Variants in ADPRM observed in about 807,000 individuals in gnomAD.
ADPRM encodes manganese-dependent ADP-ribose/CDP-alcohol diphosphatase.
Under a neutral mutation model 27.2 loss-of-function variants are expected in ADPRM, and 17 were observed. The ratio of observed to expected loss-of-function variants is 0.63; its 90% confidence interval spans 0.43 to 0.94. The LOEUF is 0.94. Among genes scored for constraint, ADPRM ranks in the 40% least tolerant of loss-of-function variants. The pLI is 0.00. For synonymous variants in ADPRM, 135 were observed against 145.3 expected (o/e 0.93, Z 0.51); for missense variants, 337 against 412.8 (o/e 0.82, Z 1.59).
intron 1 of ADPRM, 99 bp from the exon 2 acceptor site, chr17:10,704,811 T>C (rs1004762947): frequency 4.7e-6 from 5 of 1,062,342 alleles, no homozygotes; most frequent in Admixed American, 2.5e-5. Context: ...CCAAGCTGCC[T>C]AATGAATTAA....
intron 1 of ADPRM, chr17:10,699,106 T>C (rs2074757570): frequency 6.6e-6 from 1 of 152,132 alleles, no homozygotes; most frequent in African/African-American, 2.4e-5. Flanking sequence ...ATGCTATCAT[T>C]GAAAACAGTT....
chr17:10,698,218 C>G (rs1346231759), intron 1 of ADPRM: 1 of 152,194 alleles, frequency 6.6e-6, no homozygotes, highest in Non-Finnish European at 1.5e-5. Flanking sequence ...CATCCGTTAA[C>G]TTAGTCTTCC....
rs893005041 is a variant in ADPRM at position 10,702,610 on chromosome 17, C to T, written c.-17-2300C>T. On this transcript the variant is annotated intron_variant, in intron 1 of 3. Transcript: ENST00000379774. This position sits in a 1 kb window ranked among gnomAD's most constrained non-coding sequence, Gnocchi z 4.2. ...AAAAATTGAAGCCTTAGTTTATCAG[C>T]GTTTGTAGTAGTGGCAGTGCCTGTC... Among the ~76,000 whole-genome samples, 1 of 152,136 alleles carries T rather than the reference C, an allele frequency of 6.6e-6. No individual in the cohort carries two copies. The highest frequency in any genetic ancestry group is 1.5e-5 in the Non-Finnish European group (1 of 68,038).
At chr17:10,704,146 C>T (rs796826920) in intron 1 of ADPRM, among the ~76,000 whole-genome samples, 38 of 152,102 alleles carry the variant, frequency 2.5e-4, no homozygotes, top group African/African-American at 8.7e-4. Flanking sequence ...GAGTCCACGA[C>T]CAGCCTGGGC....
At position 10,711,364 on chromosome 17, in the gene ADPRM, T is replaced by C. The variant is rs1004893329; in HGVS notation, c.*220T>C. On this transcript the variant is annotated 3_prime_UTR_variant, in exon 4 of 4. Coordinates refer to ENST00000379774, the MANE Select transcript of ADPRM (RefSeq NM_020233.5). ...ACCAGGGAGGAAACTGAGGCAGGGG[T>C]GTATAGTCCTCATAAGGGGCATATA... 1.9e-6 allele frequency: 1 copy of C among 518,242 alleles called. No homozygotes were observed. The highest frequency in any genetic ancestry group is 3.3e-5 in the Admixed American group (1 of 30,696). The allele number at this position is 518,242 out of a possible 1,614,324, so 32.1% of individuals were successfully genotyped here.
rs1434364158 is a variant in ADPRM, at chr17:10,702,837, C to T, written c.-17-2073C>T. On this transcript the variant is annotated intron_variant, in intron 1 of 3. Coordinates refer to ENST00000379774, the MANE Select transcript of ADPRM (RefSeq NM_020233.5). This position sits in a 1 kb window ranked among gnomAD's most constrained non-coding sequence, Gnocchi z 4.2. ...TGCCTAGAGAAAAATTGGGTGCTGT[C>T]ACCTTAAGAACAGGAAATGAATGCT... Among the ~76,000 whole-genome samples the T allele has an allele frequency of 6.6e-6, 1 of 152,152 alleles. No homozygotes were observed. The highest frequency in any genetic ancestry group is 2.4e-5 in the African/African-American group (1 of 41,420).
intron 1 of ADPRM, 42 bp from the exon 2 acceptor site, chr17:10,704,868 A>T: frequency 7.1e-7 from 1 of 1,410,636 alleles, no homozygotes; most frequent in Non-Finnish European, 9.6e-7. Context: ...TTGGGAAATT[A>T]AAACGTTTAT....
At chr17:10,704,307 A>C (rs1436233950) in intron 1 of ADPRM, among the ~76,000 whole-genome samples, 1 of 152,164 alleles carries the variant, frequency 6.6e-6, no homozygotes, top group African/African-American at 2.4e-5. Context: ...TGTTGTTTAA[A>C]ATTATTCCTC....
Position 10,710,962 on chromosome 17 carries a change from G to A in ADPRM, c.847G>A (p.Gly283Ser). 1.2e-6 allele frequency: 2 copies of A among 1,614,152 alleles called. No individual in the cohort carries two copies. The highest frequency in any genetic ancestry group is 1.7e-6 in the Non-Finnish European group (2 of 1,180,036). The part of the protein sequence containing the change: ...CFFAGHTHDG[G>S]YSEDPFGVYH... ...CTTTGCTGGTCACACCCATGATGGT[G>A]GCTACTCTGAGGATCCTTTTGGTGT... Residue 283 changes from glycine (G) to serine (S), a missense_variant, in exon 4 of 4, where the codon GGC becomes AGC. Physicochemically the swap from Gly to Ser is moderately conservative, Grantham distance 56. Coordinates refer to ENST00000379774, the MANE Select transcript of ADPRM (RefSeq NM_020233.5).
chr17:10,703,706 G>A (rs1343305310), intron 1 of ADPRM, among the ~76,000 whole-genome samples: 1 of 152,168 alleles, frequency 6.6e-6, no homozygotes, highest in African/African-American at 2.4e-5. Context: ...GAGATGGGGA[G>A]TCTGAAAGTA....
chr17:10,711,324 G>T lies in ADPRM; in HGVS notation c.*180G>T, dbSNP rs947024437. ...TGTTATTTTGGATCATGTATCCATT[G>T]TAAGTTAGAAACAAACCAGGGAGGA... is the stretch of plus-strand genomic sequence containing the variant. On this transcript the variant is annotated 3_prime_UTR_variant, in exon 4 of 4. Coordinates refer to ENST00000379774, the MANE Select transcript of ADPRM (RefSeq NM_020233.5). The T allele has an allele frequency of 3.2e-6, 2 of 622,194 alleles. No individual in the cohort carries two copies. The highest frequency in any genetic ancestry group is 2.7e-6 in the Non-Finnish European group (1 of 368,126). The allele number at this position is 622,194 out of a possible 1,614,324, so 38.5% of individuals were successfully genotyped here.
At chr17:10,701,074 T>C (rs188435800) in intron 1 of ADPRM, among the ~76,000 whole-genome samples, 2 of 152,318 alleles carry the variant, frequency 1.3e-5, no homozygotes, top group Non-Finnish European at 2.9e-5. Context: ...GAGGGTTATT[T>C]TGCTTCAGGA....
At position 10,702,278 on chromosome 17, in the gene ADPRM, G is replaced by T. The variant is rs553120066; in HGVS notation, c.-17-2632G>T. On this transcript the variant is annotated intron_variant, in intron 1 of 3. Transcript: ENST00000379774. The surrounding 1 kb of genome is among the most constrained non-coding windows in gnomAD (Gnocchi z 4.2). Reference sequence around the variant, plus strand: ...TGTTTTGAAGTGTGTGCCCCTTGGTGCTTCTCTCCACATTAACTTTCCTTA... The same window carrying T: ...TGTTTTGAAGTGTGTGCCCCTTGGTTCTTCTCTCCACATTAACTTTCCTTA... 2.6e-5 allele frequency among the ~76,000 whole-genome samples: 4 copies of T among 152,306 alleles called. No individual in the cohort carries two copies. The highest frequency in any genetic ancestry group is 9.6e-5 in the African/African-American group (4 of 41,570).
intron 3 of ADPRM, among the ~76,000 whole-genome samples, chr17:10,707,179 G>T (rs2074818332): frequency 6.6e-6 from 1 of 151,994 alleles, no homozygotes; most frequent in Admixed American, 6.6e-5. Context: ...AATTCAGCCT[G>T]GCCAACATGG....
At chr17:10,701,119 A>G (rs2074774113) in intron 1 of ADPRM, among the ~76,000 whole-genome samples, 1 of 152,132 alleles carries the variant, frequency 6.6e-6, no homozygotes, top group Admixed American at 6.6e-5. Flanking sequence ...TGGGTTTTTC[A>G]TTTCAAAGGG....
At position 10,705,301 on chromosome 17, in the gene ADPRM, AC is replaced by A; in HGVS notation, c.376del (p.Asn127ThrfsTer5). 6.2e-7 allele frequency: 1 copy of A among 1,614,024 alleles called. No homozygotes were observed. Among genetic ancestry groups the A allele is most frequent in the Non-Finnish European group, 8.5e-7 (1 of 1,179,964 alleles). The stretch of plus-strand genomic sequence containing the variant: ...GTAGAGAGTATTTAACACACTCTAA[AC>A]TTAACACTAAGTTTCTAGAAGATCA... ...FSREYLTHSK[L>X]NTKFLEDQIV... is the part of the protein sequence containing the mutation. On this transcript the variant is annotated frameshift_variant, in exon 2 of 4. Transcript: ENST00000379774. LOFTEE classifies it high-confidence loss of function. The surrounding 1 kb of genome is among the most constrained non-coding windows in gnomAD (Gnocchi z 5.4).
chr17:10,700,255 T>C (rs2074767674), intron 1 of ADPRM, among the ~76,000 whole-genome samples: 1 of 152,214 alleles, frequency 6.6e-6, no homozygotes, highest in South Asian at 2.1e-4. Context: ...AGCTACTTCT[T>C]TTACAAGTTC....
At chr17:10,699,254 G>C (rs1195122420) in intron 1 of ADPRM, 1 of 152,200 alleles carries the variant, frequency 6.6e-6, no homozygotes, top group South Asian at 2.1e-4. Flanking sequence ...GGGCAACAAA[G>C]CAAGACTCTG....
intron 3 of ADPRM, among the ~76,000 whole-genome samples, chr17:10,709,732 A>T (rs1238941878): frequency 6.6e-6 from 1 of 152,094 alleles, no homozygotes; most frequent in Non-Finnish European, 1.5e-5. Flanking sequence ...TTTAAAAAAA[A>T]AATTGTATTA....
Sources: gnomAD v4.1 joint callset for allele counts (sites outside exome capture counted in the v4.1 genomes callset) on GRCh38, gnomAD v4.1.1 for gene constraint, Gnocchi (gnomAD v3.1) non-coding constraint, MANE v1.5 for transcripts, NCBI Gene and HGNC (gene_info 2026-07-23, HGNC 2026-07-21) for gene names.